Variants in RAB3GAP1 observed in about 807,000 individuals in gnomAD.
The protein encoded by RAB3GAP1 is rab3 GTPase-activating protein catalytic subunit.
In RAB3GAP1, 86 loss-of-function variants were observed where a neutral mutation model predicts 130.7. That is an observed-to-expected ratio of 0.66 (90% CI 0.55 to 0.79). RAB3GAP1 has a LOEUF of 0.79. Ranked by LOEUF, RAB3GAP1 falls within the 30% of genes least tolerant of loss-of-function variation. The pLI is 0.00. For missense variants in RAB3GAP1, 1,029 were observed against 1,169.4 expected (o/e 0.88, Z 1.75); for synonymous variants, 367 against 401.7 (o/e 0.91, Z 1.03).
intron 3 of RAB3GAP1, among the ~76,000 whole-genome samples, chr2:135,075,474 T>C (rs1689605400): frequency 6.6e-6 from 1 of 152,202 alleles, no homozygotes; most frequent in Admixed American, 6.5e-5. Context: ...GTTTGCAAGA[T>C]AGAACATAAA....
At chr2:135,083,054 A>G (rs1488853996) in intron 3 of RAB3GAP1, among the ~76,000 whole-genome samples, 1 of 152,012 alleles carries the variant, frequency 6.6e-6, no homozygotes, top group Non-Finnish European at 1.5e-5. Context: ...AAATACATAT[A>G]TATTATTTTA....
At chr2:135,123,605 A>G (rs1409693497) in intron 8 of RAB3GAP1, among the ~76,000 whole-genome samples, 1 of 152,170 alleles carries the variant, frequency 6.6e-6, no homozygotes, top group Admixed American at 6.5e-5. Flanking sequence ...GAGAGATAGA[A>G]CTAAGGGAAT....
Position 135,113,224 on chromosome 2 carries a change from A to G in RAB3GAP1, c.436A>G (p.Asn146Asp). The change falls in exon 6 of 24, where the codon AAC becomes GAC. Residue 146 changes from asparagine (N) to aspartate (D), a missense_variant. By Grantham distance (23) the Asn-to-Asp change is conservative (BLOSUM62 1). Coordinates refer to ENST00000264158, the MANE Select transcript of RAB3GAP1 (RefSeq NM_012233.3). ...SDAVLSESKCNLLLSSVSIAL... is the reference protein window; with the variant it reads ...SDAVLSESKCDLLLSSVSIAL... ...CGCTGTTCTCAGCGAATCTAAGTGC[A>G]ACCTTCTTCTGAGTTCTGTTTCTAT... is the stretch of plus-strand genomic sequence containing the variant. The G allele has an allele frequency of 6.2e-7, 1 of 1,614,228 alleles. No homozygotes were observed. The highest frequency in any genetic ancestry group is 8.5e-7 in the Non-Finnish European group (1 of 1,180,036).
At chr2:135,145,640 A>T (rs1035716756) in intron 17 of RAB3GAP1, among the ~76,000 whole-genome samples, 1 of 152,182 alleles carries the variant, frequency 6.6e-6, no homozygotes, top group Non-Finnish European at 1.5e-5. Context: ...CTATAAGTTC[A>T]TAGTACTTCT....
intron 3 of RAB3GAP1, among the ~76,000 whole-genome samples, chr2:135,078,398 G>A (rs1260256572): frequency 6.6e-6 from 1 of 152,036 alleles, no homozygotes; most frequent in Non-Finnish European, 1.5e-5. Context: ...TAATTTTTGT[G>A]AGTGAAGTGA....
chr2:135,061,049 C>A (rs997048277), intron 3 of RAB3GAP1, among the ~76,000 whole-genome samples: 1 of 145,756 alleles, frequency 6.9e-6, no homozygotes, highest in Non-Finnish European at 1.5e-5. Context: ...CTGTCACCTG[C>A]TTTAGAACTT....
chr2:135,166,606 C>T (rs2105004858), intron 23 of RAB3GAP1, among the ~76,000 whole-genome samples: 1 of 152,196 alleles, frequency 6.6e-6, no homozygotes, highest in East Asian at 1.9e-4. Context: ...TCCTTAACCT[C>T]CCAAAGTGCT....
rs189198808 is a variant in RAB3GAP1 at position 135,090,267 on chromosome 2, G to A, written c.151-731G>A. The stretch of plus-strand genomic sequence containing the variant: ...TATAAAAATTCAGATGTTTACACTA[G>A]GTATAGCCATGAAAACATTTTAAAA... On this transcript the variant is annotated intron_variant, in intron 3 of 23. Transcript: ENST00000264158. 6.1e-3 allele frequency among the ~76,000 whole-genome samples: 926 copies of A among 152,192 alleles called. 1 individual carries two copies. Among genetic ancestry groups the A allele is most frequent in the Middle Eastern group, 0.041 (12 of 292 alleles).
chr2:135,130,286 C>G (rs1455271340), intron 12 of RAB3GAP1, among the ~76,000 whole-genome samples, 199 bp downstream of exon 12: 4 of 152,102 alleles, frequency 2.6e-5, no homozygotes, highest in Non-Finnish European at 5.9e-5. Flanking sequence ...TAAGTTCTTT[C>G]CACCAAAAAT....
intron 5 of RAB3GAP1, among the ~76,000 whole-genome samples, chr2:135,106,147 C>T (rs1034755586): frequency 6.6e-6 from 1 of 150,834 alleles, no homozygotes; most frequent in African/African-American, 2.4e-5. Context: ...GTGGGGGGTG[C>T]CTCCGTCCGG....
At chr2:135,112,624 C>T (rs973317936) in intron 5 of RAB3GAP1, among the ~76,000 whole-genome samples, 5 of 152,160 alleles carry the variant, frequency 3.3e-5, no homozygotes, top group Non-Finnish European at 5.9e-5. Flanking sequence ...CTCTTGGCAG[C>T]GTTCTCAGCC....
At chr2:135,140,195 GC>G (rs956497871) in intron 17 of RAB3GAP1, among the ~76,000 whole-genome samples, 1 of 152,168 alleles carries the variant, frequency 6.6e-6, no homozygotes, top group Non-Finnish European at 1.5e-5. Flanking sequence ...GAATAAAGCT[GC>G]TGTGAACATT....
At chr2:135,092,981 T>A (rs1318548168) in intron 4 of RAB3GAP1, among the ~76,000 whole-genome samples, 1 of 152,218 alleles carries the variant, frequency 6.6e-6, no homozygotes, top group Non-Finnish European at 1.5e-5. Context: ...ACCAAATCAT[T>A]AGCATTCTCT....
intron 3 of RAB3GAP1, among the ~76,000 whole-genome samples, chr2:135,086,585 T>C (rs192797154): frequency 6.6e-6 from 1 of 151,902 alleles, no homozygotes; most frequent in Non-Finnish European, 1.5e-5. Flanking sequence ...TTTTTTATTA[T>C]CCTCATATAT....
rs757654937 is a variant in RAB3GAP1, at chr2:135,153,774, G to A, written c.2187G>A (p.Met729Ile). The change falls in exon 19 of 24, where the codon ATG (methionine) becomes ATA (isoleucine). Residue 729 changes from methionine (M) to isoleucine (I), a missense_variant. Transcript: ENST00000264158. ...VVLKGELSARMKIPSNMWVEA... is the reference protein window; with the variant it reads ...VVLKGELSARIKIPSNMWVEA... ...TGAAAGGAGAACTGAGTGCCCGGAT[G>A]AAGATTCCAAGCAATATGTGGGTAG... is the stretch of plus-strand genomic sequence containing the variant. 6.2e-7 allele frequency: 1 copy of A among 1,614,054 alleles called. No individual in the cohort carries two copies. Among genetic ancestry groups the A allele is most frequent in the Non-Finnish European group, 8.5e-7 (1 of 1,179,936 alleles).
At chr2:135,080,522 C>G (rs1185150372) in intron 3 of RAB3GAP1, among the ~76,000 whole-genome samples, 1 of 152,114 alleles carries the variant, frequency 6.6e-6, no homozygotes, top group Non-Finnish European at 1.5e-5. Context: ...GATCTGAGTG[C>G]CCGAGATGAT....
At chr2:135,141,986 C>G (rs561329075) in intron 17 of RAB3GAP1, among the ~76,000 whole-genome samples, 8 of 152,284 alleles carry the variant, frequency 5.3e-5, no homozygotes, top group African/African-American at 1.9e-4. Flanking sequence ...AATCTTCTAA[C>G]TTTGTTACTC....
intron 5 of RAB3GAP1, among the ~76,000 whole-genome samples, chr2:135,095,669 TG>T (rs1389246923): frequency 6.6e-6 from 1 of 152,220 alleles, no homozygotes; most frequent in Non-Finnish European, 1.5e-5. Flanking sequence ...AAGTGTAGTC[TG>T]AAAATATTAA....
chr2:135,168,371 T>C (rs1362374849), intron 23 of RAB3GAP1, among the ~76,000 whole-genome samples, 174 bp from the exon 24 acceptor site: 1 of 152,262 alleles, frequency 6.6e-6, no homozygotes, highest in Non-Finnish European at 1.5e-5. Context: ...GTCTCAAGCT[T>C]CTTGCATTTG....
Sources: allele counts gnomAD v4.1 joint callset (sites outside exome capture counted in the v4.1 genomes callset), GRCh38; gene constraint gnomAD v4.1.1; transcripts MANE v1.5; gene names NCBI Gene and HGNC (gene_info 2026-07-23, HGNC 2026-07-21).